Variants in LYPD4 observed in about 807,000 individuals in gnomAD.
LYPD4 encodes LY6/PLAUR domain containing 4.
LYPD4 carries 20 observed loss-of-function variants against 18.2 expected under a neutral mutation model. The observed-to-expected ratio is 1.10, with a 90% CI of 0.77 to 1.59. The LOEUF (loss-of-function observed/expected upper bound fraction) is 1.59, where lower values mean the gene tolerates loss of function less well. LYPD4 is among the 40% of genes most tolerant of loss of function. LYPD4 has a pLI of 0.00. For synonymous variants in LYPD4, 111 were observed against 118.3 expected (o/e 0.94, Z 0.40); for missense variants, 278 against 300.3 (o/e 0.93, Z 0.55).
rs2073398848 is a variant in LYPD4, at chr19:41,837,325, G to A, written c.559C>T (p.Leu187Phe). The A allele has an allele frequency of 1.2e-6, 2 of 1,613,880 alleles. No individual in the cohort carries two copies. The highest frequency in any genetic ancestry group is 1.7e-6 in the Non-Finnish European group (2 of 1,179,924). ...TGTTCACGAGCACACCCCATGAGGA[G>A]GAAGGTGGTATTGAGAAACCCTGTA... ...FQAGFLNTTF[L>F]LMGCAREHNQ... Residue 187 changes from leucine (L) to phenylalanine (F), a missense_variant, in exon 5 of 5, where the codon CTC becomes TTC. Physicochemically the swap from Leu to Phe is conservative, Grantham distance 22. Coordinates refer to ENST00000609812, the MANE Select transcript of LYPD4 (RefSeq NM_173506.7).
downstream of LYPD4, chr19:41,835,898 A>G: frequency 1.1e-6 from 1 of 914,316 alleles, no homozygotes; most frequent in Non-Finnish European, 1.3e-6. Flanking sequence ...ACATCTATTT[A>G]ATAAGGTTGT....
downstream of LYPD4, chr19:41,836,073 A>C: frequency 7.4e-6 from 1 of 135,742 alleles, no homozygotes; most frequent in East Asian, 2.2e-4. Flanking sequence ...CCCACCCCTA[A>C]ACACACAAAC....
At chr19:41,836,325 A>AAAAAAAAAAAAAC (rs2073373565), downstream of LYPD4, among the ~76,000 whole-genome samples, 3 of 133,532 alleles carry the variant, frequency 2.2e-5, no homozygotes, top group Non-Finnish European at 4.8e-5. Context: ...AAAAAAAAAA[A>AAAAAAAAAAAAAC]AACAACTACT....
intron 2 of LYPD4, 87 bp from the exon 3 acceptor site, chr19:41,839,111 G>T (rs935631779): frequency 3.7e-6 from 6 of 1,610,898 alleles, no homozygotes; most frequent in Non-Finnish European, 5.1e-6. Flanking sequence ...AGCCCCCACA[G>T]GTCCTGTCCC....
rs373170372 is a variant in LYPD4 at position 41,838,135 on chromosome 19, T to C, written c.338A>G (p.Tyr113Cys). The C allele has an allele frequency of 4.2e-5, 68 of 1,613,400 alleles. No individual in the cohort carries two copies. Among genetic ancestry groups the C allele is most frequent in the Non-Finnish European group, 5.2e-5 (61 of 1,179,610 alleles). Residue 113 changes from tyrosine to cysteine, a missense_variant, in exon 4 of 5, where the codon TAT (tyrosine) becomes TGT (cysteine). Physicochemically the swap from Tyr to Cys is radical, Grantham distance 194 (BLOSUM62 -2). Transcript: ENST00000609812. ...IASYSRVCRS[Y>C]LCNNLTNLEP... ...CAAATTGGTGAGGTTGTTGCAGAGA[T>C]AAGACCGGCAGACGCGACTGTAGGA...
At chr19:41,836,171 G>A (rs2073368896), downstream of LYPD4, among the ~76,000 whole-genome samples, 1 of 150,694 alleles carries the variant, frequency 6.6e-6, no homozygotes, top group South Asian at 2.1e-4. Flanking sequence ...GCCCCCTTAT[G>A]GCCAGAGAAA....
intron 1 of LYPD4, among the ~76,000 whole-genome samples, chr19:41,842,582 A>C (rs1372321846): frequency 1.3e-5 from 2 of 151,546 alleles, no homozygotes; most frequent in East Asian, 3.9e-4. Flanking sequence ...ACATGGCAAA[A>C]TCCTGACTCT....
intron 1 of LYPD4, among the ~76,000 whole-genome samples, chr19:41,843,099 C>T (rs2073698849): frequency 8.1e-6 from 1 of 123,170 alleles, no homozygotes; most frequent in Non-Finnish European, 1.6e-5. Context: ...ACACTACACA[C>T]ATCCTGGGAG....
chr19:41,839,218 C>A lies in LYPD4; in HGVS notation c.67+1G>T. The A allele has an allele frequency of 6.2e-7, 1 of 1,614,132 alleles. No homozygotes were observed. The highest frequency in any genetic ancestry group is 8.5e-7 in the Non-Finnish European group (1 of 1,180,036). ...ATAGCATCCAGCCCCACAGGACATACGAGGCAGAGTGGAGATGGCCCCTAG... is the reference window on the plus strand; with the variant it reads ...ATAGCATCCAGCCCCACAGGACATAAGAGGCAGAGTGGAGATGGCCCCTAG... On this transcript the variant is annotated splice_donor_variant, in intron 2 of 4. Transcript: ENST00000609812. LOFTEE classifies it high-confidence loss of function.
In LYPD4 at chr19:41,838,986, T is replaced by C. The variant is rs782600420; in HGVS notation, c.106A>G (p.Arg36Gly). 1 of 1,613,966 alleles carries C rather than the reference T, an allele frequency of 6.2e-7. No individual in the cohort carries two copies. The highest frequency in any genetic ancestry group is 1.1e-5 in the South Asian group (1 of 91,090). ...TTATGGAAAGCAACAGCTCTGAATC[T>C]TGAGGCTGTTGCTTCATAGCACAAA... ...ALLCYEATAS[R>G]FRAVAFHNWK... The change falls in exon 3 of 5, where the codon AGA becomes GGA. Residue 36 changes from arginine to glycine, a missense_variant. Transcript: ENST00000609812.
downstream of LYPD4, chr19:41,835,737 C>T (rs1420693093): frequency 1.0e-5 from 10 of 980,944 alleles, no homozygotes; most frequent in African/African-American, 1.8e-5. Flanking sequence ...CCATGGTAAC[C>T]GAAACCTCGT....
Position 41,837,161 on chromosome 19 carries a change from C to G in LYPD4, c.723G>C (p.Leu241=). The G allele has an allele frequency of 6.2e-7, 1 of 1,613,952 alleles. No homozygotes were observed. The highest frequency in any genetic ancestry group is 1.3e-5 in the African/African-American group (1 of 75,030). Residue 241 remains leucine (L), a synonymous_variant, in exon 5 of 5, where the codon CTG becomes CTC. Coordinates refer to ENST00000609812, the MANE Select transcript of LYPD4 (RefSeq NM_173506.7). ...DPAWGVVLGL[L]FAFRD ...TAGATGGTCAGTCCCTGAAGGCAAA[C>G]AGGAGGCCTAAGACGACACCCCAAG... is the stretch of plus-strand genomic sequence containing the variant.
chr19:41,837,032 C>T, downstream of LYPD4: 1 of 1,524,632 alleles, frequency 6.6e-7, no homozygotes, highest in South Asian at 1.3e-5. Flanking sequence ...CTTCCTCACA[C>T]CTTCCTCACC....
chr19:41,837,236 G>C lies in LYPD4; in HGVS notation c.648C>G (p.Ile216Met). The C allele has an allele frequency of 6.2e-7, 1 of 1,614,104 alleles. No homozygotes were observed. Among genetic ancestry groups the C allele is most frequent in the Non-Finnish European group, 8.5e-7 (1 of 1,179,976 alleles). ...CACCAACAATCTGAGACTTCTCTAAGATGTTGAGGACCTCAGTCACTTTGA... is the reference window on the plus strand; with the variant it reads ...CACCAACAATCTGAGACTTCTCTAACATGTTGAGGACCTCAGTCACTTTGA... The part of the protein sequence containing the change: ...GSIKVTEVLN[I>M]LEKSQIVGAA... Residue 216 changes from isoleucine (I) to methionine (M), a missense_variant, in exon 5 of 5, where the codon ATC becomes ATG. By Grantham distance (10) the Ile-to-Met change is conservative. Transcript: ENST00000609812.
chr19:41,842,610 T>C (rs1555833818), intron 1 of LYPD4, among the ~76,000 whole-genome samples: 1 of 150,308 alleles, frequency 6.7e-6, no homozygotes, highest in Non-Finnish European at 1.5e-5. Flanking sequence ...ATACAAAAAT[T>C]AGTCGAGTGT....
chr19:41,839,354 A>C lies in LYPD4; in HGVS notation c.-69T>G. The C allele has an allele frequency of 2.1e-5, 29 of 1,401,644 alleles. No homozygotes were observed. Among genetic ancestry groups the C allele is most frequent in the Non-Finnish European group, 2.8e-5 (28 of 987,958 alleles). The allele number at this position is 1,401,644 out of a possible 1,614,324, so 86.8% of individuals were successfully genotyped here. A position where few individuals can be genotyped will look rare whatever the true frequency, so the allele number is the denominator to read the frequency against. On this transcript the variant is annotated 5_prime_UTR_variant, in exon 2 of 5. Transcript: ENST00000609812. Reference sequence around the variant, plus strand: ...CAGTTTCAGTCTGGATCCCAAGCTCAGTTCCCATCAGTCCCCGAATTCTTT... The same window carrying C: ...CAGTTTCAGTCTGGATCCCAAGCTCCGTTCCCATCAGTCCCCGAATTCTTT...
Position 41,844,431 on chromosome 19 carries a change from C to T in LYPD4, c.-974G>A, listed in dbSNP as rs2073769246. ...AATCAGAGATTAGGAAAATCACAAC[C>T]GACACAAAGACAAGAAGAGACACAA... On this transcript the variant is annotated 5_prime_UTR_variant, in exon 1 of 5. Coordinates refer to ENST00000609812, the MANE Select transcript of LYPD4 (RefSeq NM_173506.7). 1.3e-5 allele frequency: 2 copies of T among 152,152 alleles called. No homozygotes were observed. Among genetic ancestry groups the T allele is most frequent in the African/African-American group, 2.4e-5 (1 of 41,356 alleles). The allele number at this position is 152,152 out of a possible 1,614,324, so 9.4% of individuals were successfully genotyped here.
chr19:41,841,450 A>G (rs2073586793), intron 1 of LYPD4, among the ~76,000 whole-genome samples: 1 of 151,708 alleles, frequency 6.6e-6, no homozygotes, highest in Non-Finnish European at 1.5e-5. Flanking sequence ...CTCAAATCAC[A>G]AGGTCAGGAG....
intron 2 of LYPD4, 34 bp from the exon 3 acceptor site, chr19:41,839,058 C>T (rs199581704): frequency 8.1e-6 from 13 of 1,612,024 alleles, no homozygotes; most frequent in South Asian, 1.1e-5. Context: ...TCATTGGCCC[C>T]TCATATCATC....
Sources: allele counts gnomAD v4.1 joint callset (sites outside exome capture counted in the v4.1 genomes callset), GRCh38; gene constraint gnomAD v4.1.1; transcripts MANE v1.5; gene names NCBI Gene and HGNC (gene_info 2026-07-23, HGNC 2026-07-21).